Variants in IGSF10 observed in about 807,000 individuals in gnomAD.
The protein encoded by IGSF10 is immunoglobulin superfamily member 10, also known as calvaria mechanical force protein 608.
In IGSF10, 126 loss-of-function variants were observed where a neutral mutation model predicts 128.2. The observed-to-expected ratio is 0.98, with a 90% CI of 0.85 to 1.14. The LOEUF is 1.14. Among genes scored for constraint, IGSF10 ranks in the 50% most tolerant of loss-of-function variants. IGSF10 has a pLI of 0.00. For synonymous variants in IGSF10, 1,185 were observed against 1,146.2 expected (o/e 1.03, Z -0.68); for missense variants, 3,295 against 3,149.8 (o/e 1.05, Z -1.10).
At chr3:151,617,529 T>C in the IGSF10 span, among the ~76,000 whole-genome samples, 2 of 151,912 alleles carry the variant, frequency 1.3e-5, no homozygotes, top group African/African-American at 2.4e-5. Context: ...CGAAGGAGAA[T>C]TTACTTCAAG....
the IGSF10 span, among the ~76,000 whole-genome samples, chr3:151,499,396 C>T: frequency 1.9e-3 from 288 of 152,236 alleles, no homozygotes; most frequent in African/African-American, 6.6e-3. Context: ...CGTGGCATTA[C>T]ACAGTAAATC....
the IGSF10 span, among the ~76,000 whole-genome samples, chr3:151,585,266 A>G: frequency 6.6e-6 from 1 of 152,214 alleles, no homozygotes. Flanking sequence ...TAAATAATAT[A>G]TATCAAAATT....
Position 151,447,832 on chromosome 3 carries a change from T to G in IGSF10, c.2149A>C (p.Lys717Gln), listed in dbSNP as rs867976183. The stretch of plus-strand genomic sequence containing the variant: ...GTTAATTCCCGATAGTTGTGCCTCT[T>G]ACTTGTGCTTGAGGTGTGTTTTCCA... ...EVGKHTSSTS[K>Q]RHNYRELTLQ... is the part of the protein sequence containing the mutation. Residue 717 changes from lysine to glutamine, a missense_variant, in exon 6 of 8, where the codon AAG (lysine) becomes CAG (glutamine). Physicochemically the swap from Lys to Gln is moderately conservative, Grantham distance 53. Transcript: ENST00000282466. The G allele has an allele frequency of 4.3e-6, 7 of 1,612,770 alleles. No homozygotes were observed. In the African/African-American group the frequency reaches 9.5e-5, roughly 22 times the overall value.
the IGSF10 span, among the ~76,000 whole-genome samples, chr3:151,518,797 A>C: frequency 6.6e-6 from 1 of 151,946 alleles, no homozygotes; most frequent in Non-Finnish European, 1.5e-5. Flanking sequence ...ATTGATAACT[A>C]AGAGTCACTC....
the IGSF10 span, among the ~76,000 whole-genome samples, chr3:151,582,349 G>A: frequency 7.0e-6 from 1 of 143,692 alleles, no homozygotes; most frequent in Non-Finnish European, 1.5e-5. Flanking sequence ...CTAATACTCA[G>A]ATCAAGAAAT....
the IGSF10 span, among the ~76,000 whole-genome samples, chr3:151,483,422 A>T: frequency 1.3e-5 from 2 of 152,210 alleles, no homozygotes; most frequent in African/African-American, 4.8e-5. Flanking sequence ...ATAAAAAACT[A>T]CAGCAGATAT....
At position 151,448,252 on chromosome 3, in the gene IGSF10, G is replaced by A. The variant is rs766523770; in HGVS notation, c.1729C>T (p.Gln577Ter). 33 of 1,614,080 alleles carry A rather than the reference G, an allele frequency of 2.0e-5. No homozygotes were observed. Among genetic ancestry groups the A allele is most frequent in the Non-Finnish European group, 8.5e-7 (1 of 1,180,034 alleles). Residue 577 changes from glutamine to a stop codon, truncating the protein, a stop_gained, in exon 6 of 8, where the codon CAG (glutamine) becomes TAG (stop). Coordinates refer to ENST00000282466, the MANE Select transcript of IGSF10 (RefSeq NM_178822.5). LOFTEE classifies it high-confidence loss of function. ...ACTGTGTGATGAATCCCATTTTCCT[G>A]ATAGGCTTCGACCAAAGGTTCTACC... The part of the protein sequence containing the change: ...TVVEPLVEAY[Q>*]ENGIHHTVFI...
chr3:151,434,037 A>ATT (rs1363732684), downstream of IGSF10: 1 of 152,532 alleles, frequency 6.6e-6, no homozygotes. Flanking sequence ...TCTATATAAT[A>ATT]TTTTTTTAGA....
intron 5 of IGSF10, among the ~76,000 whole-genome samples, chr3:151,451,705 T>C (rs1721516046): frequency 6.6e-6 from 1 of 152,258 alleles, no homozygotes; most frequent in Non-Finnish European, 1.5e-5. Flanking sequence ...CTTTCCATTG[T>C]ATCACATGTA....
At chr3:151,582,295 G>T in the IGSF10 span, among the ~76,000 whole-genome samples, 3 of 116,664 alleles carry the variant, frequency 2.6e-5, no homozygotes, top group African/African-American at 9.5e-5. Flanking sequence ...AAATATCCGG[G>T]GGGGGGGGCG....
chr3:151,452,237 C>G (rs1425397537), intron 5 of IGSF10, among the ~76,000 whole-genome samples: 3 of 152,278 alleles, frequency 2.0e-5, no homozygotes, highest in Non-Finnish European at 4.4e-5. Flanking sequence ...GGGACACATT[C>G]TGAAAAATGC....
Position 151,443,272 on chromosome 3 carries a change from G to C in IGSF10, c.5675C>G (p.Ser1892Cys), listed in dbSNP as rs1720966831. ...TEVKPLQFTN[S>C]KLFLFSNGTL... is the part of the protein sequence containing the mutation. ...CCCATTTGAAAATAAGAACAACTTG[G>C]AATTGGTAAACTGTAATGGTTTCAC... Residue 1892 changes from serine to cysteine, a missense_variant, in exon 7 of 8, where the codon TCC (serine) becomes TGC (cysteine). Transcript: ENST00000282466. 1 of 1,611,980 alleles carries C rather than the reference G, an allele frequency of 6.2e-7. No homozygotes were observed. Among genetic ancestry groups the C allele is most frequent in the Admixed American group, 1.7e-5 (1 of 59,726 alleles).
chr3:151,505,839 T>TA, the IGSF10 span, among the ~76,000 whole-genome samples: 1 of 152,260 alleles, frequency 6.6e-6, no homozygotes, highest in African/African-American at 2.4e-5. Context: ...TTAAACCTGC[T>TA]AATCTTCTGG....
chr3:151,455,995 G>A (rs1180991402), intron 4 of IGSF10, among the ~76,000 whole-genome samples: 1 of 152,120 alleles, frequency 6.6e-6, no homozygotes, highest in Non-Finnish European at 1.5e-5. Flanking sequence ...ATATAAGTTG[G>A]CAACATAGAA....
the IGSF10 span, among the ~76,000 whole-genome samples, chr3:151,596,288 G>A: frequency 1.3e-5 from 2 of 152,100 alleles, no homozygotes; most frequent in Non-Finnish European, 2.9e-5. Context: ...ATGCCTAGGA[G>A]ACCCTGTGTG....
At chr3:151,509,647 C>G in the IGSF10 span, among the ~76,000 whole-genome samples, 2 of 152,156 alleles carry the variant, frequency 1.3e-5, no homozygotes. Flanking sequence ...GCGGGTGCAG[C>G]GCACCGTGCA....
the IGSF10 span, among the ~76,000 whole-genome samples, chr3:151,560,614 T>C: frequency 6.6e-6 from 1 of 152,132 alleles, no homozygotes; most frequent in African/African-American, 2.4e-5. Flanking sequence ...TAAGTTATGA[T>C]GTTAATTTAA....
the IGSF10 span, among the ~76,000 whole-genome samples, chr3:151,507,132 G>C: frequency 1.3e-5 from 2 of 152,156 alleles, no homozygotes; most frequent in Admixed American, 1.3e-4. Context: ...CTGCAAGCCA[G>C]AATCAAGTCC....
At chr3:151,450,632 C>T (rs528976406) in intron 5 of IGSF10, among the ~76,000 whole-genome samples, 1 of 152,114 alleles carries the variant, frequency 6.6e-6, no homozygotes, top group African/African-American at 2.4e-5. Flanking sequence ...CGCAATCGCT[C>T]ACGCCTGTAA....
Sources: allele counts gnomAD v4.1 joint callset (sites outside exome capture counted in the v4.1 genomes callset), GRCh38; gene constraint gnomAD v4.1.1; transcripts MANE v1.5; gene names NCBI Gene and HGNC (gene_info 2026-07-23, HGNC 2026-07-21).